Variants in VPS13A observed in about 807,000 individuals in gnomAD.
The protein encoded by VPS13A is vacuolar protein sorting 13 homolog A.
A neutral mutation model predicts 390.9 loss-of-function variants in VPS13A; 264 were observed. The ratio of observed to expected loss-of-function variants is 0.68; its 90% CI spans 0.61 to 0.75. The LOEUF (loss-of-function observed/expected upper bound fraction) is 0.75. VPS13A is among the 30% of genes least tolerant of loss of function. The pLI, the probability that VPS13A is intolerant of heterozygous loss-of-function variation, is 0.00. For missense variants in VPS13A, 3,409 were observed against 3,733.9 expected (o/e 0.91, Z 2.27); for synonymous variants, 1,231 against 1,227.1 (o/e 1.00, Z -0.07).
At chr9:77,315,541 C>T in intron 38 of VPS13A, 71 bp downstream of exon 38, 1 of 1,386,624 alleles carries the variant, frequency 7.2e-7, no homozygotes, top group Non-Finnish European at 1.0e-6. Context: ...CCTTGATTAG[C>T]CTTTTAGATC....
At position 77,357,845 on chromosome 9, in the gene VPS13A, C is replaced by A. The variant is rs1477783159; in HGVS notation, c.7953+7C>A. Reference sequence around the variant, plus strand: ...TCAGATTTACAGAATACAGGTAAGTCTTTCTGAAAATATAGGCAAAATTGT... The same window carrying A: ...TCAGATTTACAGAATACAGGTAAGTATTTCTGAAAATATAGGCAAAATTGT... On this transcript the variant is annotated splice_region_variant and intron_variant, in intron 56 of 71. Transcript: ENST00000360280. 3 of 1,606,832 alleles carry A rather than the reference C, an allele frequency of 1.9e-6. No individual in the cohort carries two copies. The African/African-American group carries it at 4.1e-5, about 22-fold the overall frequency.
At position 77,356,712 on chromosome 9, in the gene VPS13A, A is replaced by C; in HGVS notation, c.7653-2A>C. ...ACTATGATTTTTGCTTTCTTAAATA[A>C]GTTCTGATGTGGTTTGGGAAACAAA... On this transcript the variant is annotated splice_acceptor_variant, in intron 54 of 71. Coordinates refer to ENST00000360280, the MANE Select transcript of VPS13A (RefSeq NM_033305.3). LOFTEE classifies it high-confidence loss of function. 6.2e-7 allele frequency: 1 copy of C among 1,607,830 alleles called. No homozygotes were observed. The highest frequency in any genetic ancestry group is 8.5e-7 in the Non-Finnish European group (1 of 1,176,324).
Position 77,226,542 on chromosome 9 carries a change from T to A in VPS13A, c.1301T>A (p.Leu434Gln). Residue 434 changes from leucine (L) to glutamine (Q), a missense_variant, in exon 15 of 72, where the codon CTA (leucine) becomes CAA (glutamine). Leu to Gln is a moderately radical substitution (Grantham distance 113). Around this residue, in one of 5 missense-constraint regions of VPS13A, gnomAD observed 2,717 missense variants for 2,917.4 expected, o/e 0.93. Transcript: ENST00000360280. ...PEDNKGWFSW[L>Q]WSWSEQNTNE... ...GATAATAAAGGGTGGTTTAGCTGGC[T>A]ATGGTCTTGGTCAGAACAAAATACT... 1 of 1,613,296 alleles carries A rather than the reference T, an allele frequency of 6.2e-7. No individual in the cohort carries two copies. Among genetic ancestry groups the A allele is most frequent in the Non-Finnish European group, 8.5e-7 (1 of 1,179,506 alleles).
chr9:77,414,385 T>C (rs150180736), intron 71 of VPS13A, among the ~76,000 whole-genome samples: 4,732 of 152,186 alleles, frequency 0.031, 225 homozygotes, highest in East Asian at 0.18. Context: ...GTGGCACATA[T>C]ACACCATGGA....
chr9:77,302,277 T>C (rs2131392132), intron 33 of VPS13A, among the ~76,000 whole-genome samples: 1 of 152,264 alleles, frequency 6.6e-6, no homozygotes, highest in African/African-American at 2.4e-5. Flanking sequence ...ATAATTCTTA[T>C]TTTAATGGTT....
At chr9:77,260,018 T>G (rs1289365393) in intron 22 of VPS13A, 68 bp from the exon 23 acceptor site, 1 of 1,046,942 alleles carries the variant, frequency 9.6e-7, no homozygotes, top group Non-Finnish European at 1.4e-6. Flanking sequence ...GAGAACAGTC[T>G]TTTTAATTAG....
rs536511987 is a variant in VPS13A, at chr9:77,263,235, T to C, written c.2427+3011T>C. ...CATTCTCCTGCCTCAGCCTCCCGAG[T>C]AGCTGGGACTACAGGTGCTCACCAC... is the stretch of plus-strand genomic sequence containing the variant. On this transcript the variant is annotated intron_variant, in intron 23 of 71. Transcript: ENST00000360280. 1.5e-3 allele frequency among the ~76,000 whole-genome samples: 231 copies of C among 151,868 alleles called. 1 individual carries two copies. The highest frequency in any genetic ancestry group is 5.4e-3 in the African/African-American group (222 of 41,416).
intron 68 of VPS13A, among the ~76,000 whole-genome samples, chr9:77,399,844 GCA>G (rs1286536082): frequency 7.2e-5 from 11 of 152,132 alleles, no homozygotes; most frequent in Non-Finnish European, 8.8e-5. Context: ...CTGCTTATAT[GCA>G]CAGATACATG....
intron 45 of VPS13A, among the ~76,000 whole-genome samples, chr9:77,325,184 G>T (rs1225757156): frequency 2.0e-5 from 3 of 152,124 alleles, no homozygotes; most frequent in East Asian, 1.9e-4. Context: ...CCTTGCATGC[G>T]CAGTTCACGC....
intron 46 of VPS13A, among the ~76,000 whole-genome samples, 168 bp from the exon 47 acceptor site, chr9:77,337,087 G>A (rs370397745): frequency 1.3e-5 from 2 of 151,976 alleles, no homozygotes; most frequent in South Asian, 2.1e-4. Flanking sequence ...ATGAGCCACC[G>A]CGCCTGGCCT....
chr9:77,288,222 G>A (rs369946879), intron 31 of VPS13A, among the ~76,000 whole-genome samples: 22 of 151,842 alleles, frequency 1.4e-4, no homozygotes, highest in African/African-American at 2.9e-4. Flanking sequence ...ACGATGTATC[G>A]ATTTTATTGA....
chr9:77,379,769 T>C (rs1833327798), intron 67 of VPS13A, among the ~76,000 whole-genome samples: 1 of 152,248 alleles, frequency 6.6e-6, no homozygotes, highest in African/African-American at 2.4e-5. Flanking sequence ...TATGACCTAA[T>C]AGATAGCTAA....
intron 68 of VPS13A, among the ~76,000 whole-genome samples, chr9:77,387,382 C>A (rs548532899): frequency 6.6e-6 from 1 of 152,266 alleles, no homozygotes; most frequent in East Asian, 1.9e-4. Flanking sequence ...AATGCCACAC[C>A]TTTCCATATG....
Position 77,387,147 on chromosome 9 carries a change from AGAC to A in VPS13A, c.9189+5061_9189+5063del, listed in dbSNP as rs200514015. Among the ~76,000 whole-genome samples the A allele has an allele frequency of 6.1e-4, 93 of 151,960 alleles. No homozygotes were observed. In the East Asian group the frequency reaches 0.015, roughly 25 times the overall value. ...TTTCTCTAGTAAAAGCAAAAAAAAAAGACAGAATTGCTCTTTTGTTTTACACCA... is the reference window on the plus strand; with the variant it reads ...TTTCTCTAGTAAAAGCAAAAAAAAAAAGAATTGCTCTTTTGTTTTACACCA... On this transcript the variant is annotated intron_variant, in intron 68 of 71. Transcript: ENST00000360280.
intron 53 of VPS13A, among the ~76,000 whole-genome samples, chr9:77,352,748 T>C (rs190113898): frequency 8.5e-5 from 13 of 152,232 alleles, no homozygotes; most frequent in Admixed American, 7.8e-4. Context: ...GATAATTATT[T>C]TATGGTAACA....
chr9:77,315,279 AC>A lies in VPS13A; in HGVS notation c.4440del (p.Asp1480GlufsTer5). 1 of 1,613,930 alleles carries A rather than the reference AC, an allele frequency of 6.2e-7. No individual in the cohort carries two copies. Among genetic ancestry groups the A allele is most frequent in the Non-Finnish European group, 8.5e-7 (1 of 1,179,816 alleles). On this transcript the variant is annotated frameshift_variant, in exon 38 of 72. Transcript: ENST00000360280. LOFTEE classifies it high-confidence loss of function. ...ATGATAGGACTGACAGTTGGTTTTG[AC>A]AAAAAAGACATGATGGATATAAAGT... The part of the protein sequence containing the change: ...PRMIGLTVGF[D>X]KKDMMDIKYR...
At position 77,295,481 on chromosome 9, in the gene VPS13A, T is replaced by C. The variant is rs1452448525; in HGVS notation, c.3508-61T>C. 16 of 1,365,026 alleles carry C rather than the reference T, an allele frequency of 1.2e-5. No homozygotes were observed. The East Asian group carries it at 3.8e-4, about 33-fold the overall frequency. 84.6% of individuals were successfully genotyped at this position (1,365,026 alleles called of 1,614,324 possible). On this transcript the variant is annotated intron_variant, in intron 32 of 71. Transcript: ENST00000360280. ...ATGGAGGTAAAACCATAAATATCAA[T>C]ATATATTTAATAAGTCGTATTTATT...
chr9:77,307,217 C>T (rs72744291), intron 34 of VPS13A, among the ~76,000 whole-genome samples: 8,721 of 152,152 alleles, frequency 0.057, 368 homozygotes, highest in South Asian at 0.12. Context: ...AAATTATTAG[C>T]TCTTTGAGTT....
chr9:77,201,512 A>T (rs565212468), intron 3 of VPS13A, 105 bp downstream of exon 3: 1 of 1,016,004 alleles, frequency 9.8e-7, no homozygotes, highest in East Asian at 2.4e-5. Context: ...CTGAGCATCA[A>T]TTAAAAATAA....
Sources: allele counts gnomAD v4.1 joint callset (sites outside exome capture counted in the v4.1 genomes callset), GRCh38; gene constraint gnomAD v4.1.1; regional missense constraint gnomAD v4.1.1; transcripts MANE v1.5; gene names NCBI Gene and HGNC (gene_info 2026-07-23, HGNC 2026-07-21).